Variants in RALY observed in about 807,000 individuals in gnomAD.
RALY encodes RALY heterogeneous nuclear ribonucleoprotein.
Under a neutral mutation model 30.7 loss-of-function variants are expected in RALY, and 15 were observed. The observed-to-expected ratio is 0.49, with a 90% CI of 0.33 to 0.75. The LOEUF (loss-of-function observed/expected upper bound fraction) is 0.75. RALY is among the 30% of genes least tolerant of loss of function. RALY has a pLI of 0.02. For synonymous variants in RALY, 177 were observed against 170.8 expected (o/e 1.04, Z -0.28); for missense variants, 339 against 414.3 (o/e 0.82, Z 1.58).
At chr20:34,040,763 C>T in intron 2 of RALY, among the ~76,000 whole-genome samples, 1 of 152,200 alleles carries the variant, frequency 6.6e-6, no homozygotes, top group Non-Finnish European at 1.5e-5. Context: ...AGCTGAGGCT[C>T]AGTGAAGTGA....
intron 1 of RALY, among the ~76,000 whole-genome samples, chr20:34,005,088 C>T (rs1461945030): frequency 6.6e-6 from 1 of 152,196 alleles, no homozygotes; most frequent in East Asian, 1.9e-4. Context: ...AAACATTAGT[C>T]AGCTTCTGAT....
intron 1 of RALY, among the ~76,000 whole-genome samples, chr20:34,001,097 G>C (rs1245334419): frequency 1.3e-5 from 2 of 152,106 alleles, no homozygotes; most frequent in African/African-American, 4.8e-5. Flanking sequence ...TTTTTAGAGT[G>C]GACAGATTGC....
At chr20:34,059,501 A>G (rs761005557) in intron 2 of RALY, among the ~76,000 whole-genome samples, 1 of 152,172 alleles carries the variant, frequency 6.6e-6, no homozygotes, top group African/African-American at 2.4e-5. Context: ...GACCCTCACA[A>G]CAACCTGTGT....
At chr20:34,038,559 C>T (rs2032584924) in intron 2 of RALY, among the ~76,000 whole-genome samples, 1 of 152,180 alleles carries the variant, frequency 6.6e-6, no homozygotes, top group African/African-American at 2.4e-5. Flanking sequence ...TCATTGCCAC[C>T]TCCCATATCC....
intron 2 of RALY, among the ~76,000 whole-genome samples, chr20:34,042,283 C>T (rs2032729700): frequency 2.6e-5 from 4 of 152,124 alleles, no homozygotes; most frequent in Admixed American, 2.6e-4. Context: ...GATCACAGTT[C>T]GTAAAACGAC....
chr20:34,077,059 C>CA lies in RALY; in HGVS notation c.690_691insA (p.Gly231ArgfsTer35), dbSNP rs57852506. ...AGAAGAAGGGTGATGGAGGTGGCGC[C>CA]GGCGGCGGCGGCGGTGGTGGTGGCA... On this transcript the variant is annotated frameshift_variant, in exon 8 of 10. Coordinates refer to ENST00000246194, the MANE Select transcript of RALY (RefSeq NM_016732.3). LOFTEE classifies it high-confidence loss of function. 24 of 1,452,950 alleles carry CA rather than the reference C, an allele frequency of 1.7e-5. 1 individual carries two copies. Among genetic ancestry groups the CA allele is most frequent in the African/African-American group, 1.4e-4 (5 of 34,824 alleles). 90.0% of individuals were successfully genotyped at this position (1,452,950 alleles called of 1,614,324 possible). A position where few individuals can be genotyped will look rare whatever the true frequency, so the allele number is the denominator to read the frequency against.
chr20:34,077,310 G>T, intron 8 of RALY, 65 bp downstream of exon 8: 1 of 1,598,036 alleles, frequency 6.3e-7, no homozygotes, highest in Non-Finnish European at 8.5e-7. Flanking sequence ...AGGCCAACAG[G>T]GGAATGGGCA....
intron 2 of RALY, among the ~76,000 whole-genome samples, chr20:34,068,386 G>A (rs1202256533): frequency 6.6e-6 from 1 of 152,208 alleles, no homozygotes; most frequent in South Asian, 2.1e-4. Flanking sequence ...GTCTGTGGAA[G>A]TGGGTGTTTG....
At chr20:34,060,124 T>G (rs912766157) in intron 2 of RALY, among the ~76,000 whole-genome samples, 2 of 152,212 alleles carry the variant, frequency 1.3e-5, no homozygotes, top group Non-Finnish European at 2.9e-5. Context: ...CTTTATCGCA[T>G]CCACCGTGAT....
intron 2 of RALY, among the ~76,000 whole-genome samples, chr20:34,060,269 G>A (rs73904764): frequency 0.083 from 12,670 of 152,156 alleles, 1,748 homozygotes; most frequent in African/African-American, 0.29. Context: ...TTGAGCATCC[G>A]TAAGTTGAAA....
chr20:34,084,003 T>TA lies in RALY; in HGVS notation c.*4100dup, dbSNP rs1334196399. 1 of 152,224 alleles carries TA rather than the reference T, an allele frequency of 6.6e-6. No individual in the cohort carries two copies. The highest frequency in any genetic ancestry group is 2.4e-5 in the African/African-American group (1 of 41,452). 9.4% of individuals were successfully genotyped at this position (152,224 alleles called of 1,614,324 possible). On this transcript the variant is annotated 3_prime_UTR_variant, in exon 10 of 10. Transcript: ENST00000246194. ...TTAAAAAGCACATTTTACATTTACT[T>TA]AATCTCCACAACCACCCTCAGTAGG... is the stretch of plus-strand genomic sequence containing the variant.
At chr20:33,999,414 A>T (rs888308671) in intron 1 of RALY, among the ~76,000 whole-genome samples, 1 of 152,168 alleles carries the variant, frequency 6.6e-6, no homozygotes, top group African/African-American at 2.4e-5. Context: ...GTATGGCACA[A>T]CTGGTCATGT....
chr20:34,047,896 C>T (rs1191744132), intron 2 of RALY, among the ~76,000 whole-genome samples: 2 of 152,152 alleles, frequency 1.3e-5, no homozygotes, highest in Non-Finnish European at 2.9e-5. Flanking sequence ...CTGACCAACC[C>T]CCAACCCCAC....
intron 1 of RALY, among the ~76,000 whole-genome samples, chr20:34,020,606 G>T (rs1202770013): frequency 1.3e-5 from 2 of 152,224 alleles, no homozygotes; most frequent in African/African-American, 4.8e-5. Flanking sequence ...AACTGGTGGG[G>T]CAAATCTAGC....
chr20:34,070,960 G>A (rs185623802), intron 2 of RALY, among the ~76,000 whole-genome samples: 11 of 152,268 alleles, frequency 7.2e-5, no homozygotes, highest in African/African-American at 2.2e-4. Flanking sequence ...AGTGGAAGGC[G>A]ACGGGGAAGT....
At chr20:33,998,422 A>G (rs2030744044) in intron 1 of RALY, among the ~76,000 whole-genome samples, 1 of 152,210 alleles carries the variant, frequency 6.6e-6, no homozygotes, top group African/African-American at 2.4e-5. Flanking sequence ...GTAAGTTCAG[A>G]AATGGTGATA....
chr20:34,072,775 A>T (rs2033763837), intron 3 of RALY, among the ~76,000 whole-genome samples: 1 of 152,142 alleles, frequency 6.6e-6, no homozygotes, highest in Non-Finnish European at 1.5e-5. Flanking sequence ...GTCTCTCTTG[A>T]AGTATGTACA....
At position 34,076,006 on chromosome 20, in the gene RALY, C is replaced by T. The variant is rs900601577; in HGVS notation, c.510C>T (p.Ser170=). The change falls in exon 6 of 10, where the codon TCC becomes TCT. Residue 170 remains serine, a synonymous_variant. Transcript: ENST00000246194. ...TACCTGTCAAGCTCTTTGCCCGCTC[C>T]ACAGCTGTCACCACCAGCTCAGCCA... is the stretch of plus-strand genomic sequence containing the variant. ...TNVPVKLFAR[S]TAVTTSSAKI... 1.9e-6 allele frequency: 3 copies of T among 1,614,104 alleles called. No individual in the cohort carries two copies. In the African/African-American group the frequency reaches 4.0e-5, roughly 22 times the overall value.
intron 1 of RALY, among the ~76,000 whole-genome samples, chr20:34,024,725 C>G: frequency 6.6e-6 from 1 of 152,100 alleles, no homozygotes; most frequent in East Asian, 1.9e-4. Context: ...TTTACTGACC[C>G]ATTTTGTGTC....
Sources: gnomAD v4.1 joint callset for allele counts (sites outside exome capture counted in the v4.1 genomes callset) on GRCh38, gnomAD v4.1.1 for gene constraint, MANE v1.5 for transcripts, NCBI Gene and HGNC (gene_info 2026-07-23, HGNC 2026-07-21) for gene names.